The following LSAMP variants were observed in gnomAD, a reference collection of about 807,000 sequenced individuals.
LSAMP encodes limbic system-associated membrane protein.
Under a neutral mutation model 38.6 loss-of-function variants are expected in LSAMP, and 7 were observed. The observed-to-expected ratio is 0.18, with a 90% CI of 0.10 to 0.34. The LOEUF is 0.34. Ranked by LOEUF, LSAMP falls within the 10% of genes least tolerant of loss-of-function variation. LSAMP has a pLI of 1.00. For missense variants in LSAMP, 313 were observed against 420.0 expected (o/e 0.75, Z 2.23); for synonymous variants, 154 against 166.8 (o/e 0.92, Z 0.59).
At chr3:116,194,432 T>C (rs1237110158) in intron 1 of LSAMP, among the ~76,000 whole-genome samples, 1 of 152,194 alleles carries the variant, frequency 6.6e-6, no homozygotes, top group Non-Finnish European at 1.5e-5. Flanking sequence ...TCTCGCTCTG[T>C]CGCCCAGGCT....
intron 6 of LSAMP, among the ~76,000 whole-genome samples, chr3:115,813,255 A>T (rs1428132092): frequency 6.6e-6 from 1 of 152,136 alleles, no homozygotes; most frequent in African/African-American, 2.4e-5. Flanking sequence ...AAGTTATAGC[A>T]CTGCATTTTT....
chr3:116,235,034 A>AC (rs1468543685), intron 1 of LSAMP, among the ~76,000 whole-genome samples: 2 of 151,814 alleles, frequency 1.3e-5, no homozygotes, highest in Non-Finnish European at 2.9e-5. Context: ...TTCCACAGAA[A>AC]AAATATTCTA....
chr3:115,843,197 G>T (rs775633209), intron 4 of LSAMP, among the ~76,000 whole-genome samples: 6 of 152,174 alleles, frequency 3.9e-5, no homozygotes, highest in Admixed American at 6.5e-5. Flanking sequence ...GTGGGGGTAC[G>T]GTTTAAAGTC....
chr3:116,233,195 C>A (rs1157066648), intron 1 of LSAMP, among the ~76,000 whole-genome samples: 2 of 151,894 alleles, frequency 1.3e-5, no homozygotes, highest in African/African-American at 4.8e-5. Context: ...GGGTGGATCA[C>A]AAGGTCAGGA....
At chr3:116,236,887 C>G (rs1420549048) in intron 1 of LSAMP, among the ~76,000 whole-genome samples, 4 of 151,378 alleles carry the variant, frequency 2.6e-5, no homozygotes, top group African/African-American at 4.9e-5. Context: ...AACAAAATAA[C>G]TATACTAGAT....
At chr3:116,341,782 C>T (rs993371776) in intron 1 of LSAMP, among the ~76,000 whole-genome samples, 5 of 151,876 alleles carry the variant, frequency 3.3e-5, no homozygotes, top group South Asian at 2.1e-4. Flanking sequence ...GACTCTGGTT[C>T]GGCTAAGGTA....
At chr3:116,197,105 G>A (rs1486478086) in intron 1 of LSAMP, among the ~76,000 whole-genome samples, 4 of 146,326 alleles carry the variant, frequency 2.7e-5, no homozygotes, top group Non-Finnish European at 6.0e-5. Flanking sequence ...CCCTGGTGAG[G>A]CCTAAAACAA....
At chr3:116,417,478 C>T (rs1412436726) in intron 1 of LSAMP, among the ~76,000 whole-genome samples, 1 of 152,174 alleles carries the variant, frequency 6.6e-6, no homozygotes, top group Non-Finnish European at 1.5e-5. Flanking sequence ...TATCAGCTGC[C>T]TGCACTTCAG....
intron 3 of LSAMP, among the ~76,000 whole-genome samples, chr3:115,964,747 C>G (rs149426519): frequency 3.9e-4 from 59 of 152,116 alleles, no homozygotes; most frequent in African/African-American, 1.4e-3. Flanking sequence ...GCAGCAAAAA[C>G]TTAGCTTGAA....
intron 1 of LSAMP, among the ~76,000 whole-genome samples, chr3:116,151,369 T>C (rs1243805371): frequency 1.3e-5 from 2 of 151,940 alleles, no homozygotes; most frequent in Non-Finnish European, 2.9e-5. Flanking sequence ...TTTAAGAATG[T>C]GTAGAGGTTA....
rs540857895 is a variant in LSAMP at position 115,843,685 on chromosome 3, G to GCT, written c.650-1108_650-1107insAG. Among the ~76,000 whole-genome samples the GCT allele has an allele frequency of 2.0e-3, 302 of 147,466 alleles. 3 individuals are homozygous for GCT. Among genetic ancestry groups the GCT allele is most frequent in the African/African-American group, 6.9e-3 (276 of 39,786 alleles). ...CACCTGGTCTATATTCCTTGTTTCT[G>GCT]ATATTTTTTTTTTGTATTAAAAAAC... On this transcript the variant is annotated intron_variant, in intron 4 of 6. Transcript: ENST00000490035.
intron 1 of LSAMP, among the ~76,000 whole-genome samples, chr3:116,395,485 C>T (rs546376435): frequency 5.3e-5 from 8 of 152,216 alleles, no homozygotes; most frequent in Middle Eastern, 3.4e-3. Flanking sequence ...GCAAATAAAA[C>T]GAAATGAAGT....
At chr3:115,928,667 C>G (rs1291119217) in intron 3 of LSAMP, among the ~76,000 whole-genome samples, 1 of 147,800 alleles carries the variant, frequency 6.8e-6, no homozygotes, top group Non-Finnish European at 1.5e-5. Context: ...ACTGCAGAGT[C>G]CTGCAGAGTG....
chr3:116,240,742 CAT>C (rs2046521699), intron 1 of LSAMP, among the ~76,000 whole-genome samples: 1 of 152,162 alleles, frequency 6.6e-6, no homozygotes, highest in South Asian at 2.1e-4. Context: ...TTTTTATGCA[CAT>C]ATTCATTTTC....
intron 3 of LSAMP, among the ~76,000 whole-genome samples, chr3:115,930,796 TCTGCCTAACACC>T (rs1479188880): frequency 2.0e-5 from 3 of 152,192 alleles, no homozygotes; most frequent in African/African-American, 7.2e-5. Context: ...TAGAGGTTCC[TCTGCCTAACACC>T]CTGACACCAC....
chr3:115,945,430 A>T (rs891613783), intron 3 of LSAMP, among the ~76,000 whole-genome samples: 6 of 152,124 alleles, frequency 3.9e-5, no homozygotes, highest in African/African-American at 1.4e-4. Flanking sequence ...GGGTTGTGAT[A>T]CGAGTTTCTG....
intron 1 of LSAMP, among the ~76,000 whole-genome samples, chr3:116,305,626 G>A (rs966996895): frequency 6.6e-6 from 1 of 151,676 alleles, no homozygotes; most frequent in Non-Finnish European, 1.5e-5. Flanking sequence ...ATATGAAAGT[G>A]CAAATATCAA....
intron 1 of LSAMP, among the ~76,000 whole-genome samples, chr3:116,321,925 T>C (rs962639570): frequency 8.5e-5 from 13 of 152,180 alleles, no homozygotes; most frequent in African/African-American, 2.4e-4. Context: ...ATTTTATATA[T>C]GGTTTAGTGA....
intron 2 of LSAMP, among the ~76,000 whole-genome samples, chr3:116,040,860 T>C (rs2107716653): frequency 6.6e-6 from 1 of 152,306 alleles, no homozygotes; most frequent in African/African-American, 2.4e-5. Context: ...TCCTTCTGAG[T>C]TGCTAGAACT....
Sources: allele counts gnomAD v4.1 joint callset (sites outside exome capture counted in the v4.1 genomes callset), GRCh38; gene constraint gnomAD v4.1.1; transcripts MANE v1.5; gene names NCBI Gene and HGNC (gene_info 2026-07-23, HGNC 2026-07-21).